Variants in ADAMTS6 observed in about 807,000 individuals in gnomAD.
ADAMTS6 encodes the protein A disintegrin and metalloproteinase with thrombospondin motifs 6.
Under a neutral mutation model 144.3 loss-of-function variants are expected in ADAMTS6, and 23 were observed. That is an observed-to-expected ratio of 0.16 (90% CI 0.11 to 0.23). ADAMTS6 has a LOEUF of 0.23. Ranked by LOEUF, ADAMTS6 falls within the 10% of genes least tolerant of loss-of-function variation. ADAMTS6 has a pLI of 1.00. For missense variants in ADAMTS6, 999 were observed against 1,379.6 expected (o/e 0.72, Z 4.37); for synonymous variants, 444 against 457.5 (o/e 0.97, Z 0.38).
Position 65,198,273 on chromosome 5 carries a change from G to A in ADAMTS6, c.2576-1122C>T, listed in dbSNP as rs116234934. On this transcript the variant is annotated intron_variant, in intron 20 of 24. Transcript: ENST00000381055. ...TAAAAGCAGCATTAGCAGTATCCAG[G>A]AAACCACAGCTTCACACCTAGCTAA... 7.5e-3 allele frequency among the ~76,000 whole-genome samples: 1,133 copies of A among 151,858 alleles called. 14 individuals are homozygous for A. Among genetic ancestry groups the A allele is most frequent in the African/African-American group, 0.026 (1,074 of 41,424 alleles).
chr5:65,178,883 G>T (rs892398766), intron 22 of ADAMTS6, among the ~76,000 whole-genome samples: 3 of 152,074 alleles, frequency 2.0e-5, no homozygotes, highest in Admixed American at 2.0e-4. Context: ...CCTTGCTCCC[G>T]GTATCAGAGA....
intron 7 of ADAMTS6, among the ~76,000 whole-genome samples, chr5:65,350,984 A>C (rs1748800011): frequency 6.6e-6 from 1 of 152,002 alleles, no homozygotes; most frequent in Non-Finnish European, 1.5e-5. Flanking sequence ...CATCCTCTGG[A>C]CTTTATGCTA....
chr5:65,302,104 AAAAAT>A (rs1422091540), intron 9 of ADAMTS6, among the ~76,000 whole-genome samples: 72 of 42,266 alleles, frequency 1.7e-3, no homozygotes, highest in African/African-American at 4.5e-3. Flanking sequence ...AAAAAAAAAA[AAAAAT>A]ATATATATAT....
chr5:65,265,575 C>CT (rs200987694), intron 12 of ADAMTS6, among the ~76,000 whole-genome samples: 119 of 148,784 alleles, frequency 8.0e-4, no homozygotes, highest in African/African-American at 2.6e-3. Context: ...CAATTAACTG[C>CT]TTTTTTTTTT....
intron 24 of ADAMTS6, among the ~76,000 whole-genome samples, chr5:65,155,840 C>A: frequency 6.6e-6 from 1 of 152,110 alleles, no homozygotes; most frequent in East Asian, 1.9e-4. Flanking sequence ...AGTCAGGTTT[C>A]GTTTCTTTAA....
At chr5:65,247,400 T>C (rs1181687933) in intron 14 of ADAMTS6, among the ~76,000 whole-genome samples, 4 of 152,170 alleles carry the variant, frequency 2.6e-5, no homozygotes, top group Non-Finnish European at 4.4e-5. Context: ...GAAAGAAATC[T>C]AGCTTCTGCT....
At chr5:65,383,933 T>C (rs1458900296) in intron 7 of ADAMTS6, among the ~76,000 whole-genome samples, 2 of 152,122 alleles carry the variant, frequency 1.3e-5, no homozygotes, top group Admixed American at 1.3e-4. Flanking sequence ...AACACCAGCG[T>C]GATCTACCAC....
chr5:65,422,267 A>T (rs1445691438), intron 7 of ADAMTS6, among the ~76,000 whole-genome samples: 2 of 152,246 alleles, frequency 1.3e-5, no homozygotes, highest in African/African-American at 2.4e-5. Flanking sequence ...ATGAGATAAC[A>T]CTTTACCCCA....
At chr5:65,215,292 CAG>C (rs1398123550) in intron 19 of ADAMTS6, 30 bp downstream of exon 19, 1 of 1,603,574 alleles carries the variant, frequency 6.2e-7, no homozygotes, top group Non-Finnish European at 8.5e-7. Flanking sequence ...GAATTAAAAA[CAG>C]AAGAAATACA....
Position 65,322,830 on chromosome 5 carries a change from G to A in ADAMTS6, c.1223+6548C>T, listed in dbSNP as rs182258849. ...TAGGATCATGTCATCTGCAAACAGG[G>A]ATAGTTTGACTTCCTCTCTTCCTAT... On this transcript the variant is annotated intron_variant, in intron 9 of 24. Coordinates refer to ENST00000381055, the MANE Select transcript of ADAMTS6 (RefSeq NM_197941.4). Among the ~76,000 whole-genome samples the A allele has an allele frequency of 7.7e-3, 1,178 of 152,208 alleles. 12 individuals are homozygous for A. The highest frequency in any genetic ancestry group is 0.027 in the African/African-American group (1,111 of 41,516).
At chr5:65,335,202 G>T (rs1281847526) in intron 7 of ADAMTS6, among the ~76,000 whole-genome samples, 1 of 152,110 alleles carries the variant, frequency 6.6e-6, no homozygotes, top group Non-Finnish European at 1.5e-5. Context: ...TCTATCTTTA[G>T]AATTTCAAAC....
intron 21 of ADAMTS6, among the ~76,000 whole-genome samples, chr5:65,194,402 A>G (rs904684792): frequency 1.3e-5 from 2 of 152,208 alleles, no homozygotes; most frequent in African/African-American, 4.8e-5. Flanking sequence ...AATACTCTAC[A>G]GTGTACTGTG....
At chr5:65,189,552 C>T (rs1471912781) in intron 21 of ADAMTS6, among the ~76,000 whole-genome samples, 1 of 152,328 alleles carries the variant, frequency 6.6e-6, no homozygotes. Flanking sequence ...ACACTTCCCT[C>T]AGCTGTGTTA....
intron 3 of ADAMTS6, among the ~76,000 whole-genome samples, chr5:65,465,888 C>T (rs890180567): frequency 2.0e-5 from 3 of 152,202 alleles, no homozygotes; most frequent in African/African-American, 7.2e-5. Context: ...CTCTATTCTA[C>T]CTATGCTCCC....
intron 22 of ADAMTS6, among the ~76,000 whole-genome samples, chr5:65,184,692 T>C (rs1410472894): frequency 6.6e-6 from 1 of 152,072 alleles, no homozygotes; most frequent in East Asian, 1.9e-4. Flanking sequence ...CTATGTAAAG[T>C]CCAAATAGCC....
At chr5:65,321,608 T>C (rs1745613838) in intron 9 of ADAMTS6, among the ~76,000 whole-genome samples, 1 of 152,034 alleles carries the variant, frequency 6.6e-6, no homozygotes, top group Non-Finnish European at 1.5e-5. Flanking sequence ...TCATGAAATC[T>C]TTGCACATGT....
chr5:65,265,961 A>G (rs763978114), intron 12 of ADAMTS6, among the ~76,000 whole-genome samples: 1 of 151,984 alleles, frequency 6.6e-6, no homozygotes, highest in Non-Finnish European at 1.5e-5. Context: ...CTGGATTTTT[A>G]TAACTACATA....
chr5:65,396,383 T>A (rs1370560279), intron 7 of ADAMTS6, among the ~76,000 whole-genome samples: 1 of 152,212 alleles, frequency 6.6e-6, no homozygotes, highest in Non-Finnish European at 1.5e-5. Flanking sequence ...ATTTCAAATG[T>A]CTTGATTATG....
chr5:65,225,012 A>G lies in ADAMTS6; in HGVS notation c.2103T>C (p.Ala701=). ...CACAGACTCGACATCTATCTTCCCTAGCATCAGATCCCAAAATATTATCAC... is the reference window on the plus strand; with the variant it reads ...CACAGACTCGACATCTATCTTCCCTGGCATCAGATCCCAAAATATTATCAC... The part of the protein sequence containing the change: ...VGCDNILGSD[A]REDRCRVCGG... Residue 701 remains alanine, a synonymous_variant, in exon 17 of 25, where the codon GCT becomes GCC. Coordinates refer to ENST00000381055, the MANE Select transcript of ADAMTS6 (RefSeq NM_197941.4). The G allele has an allele frequency of 1.2e-6, 2 of 1,614,120 alleles. No homozygotes were observed. Among genetic ancestry groups the G allele is most frequent in the South Asian group, 2.2e-5 (2 of 91,066 alleles).
Sources: allele counts gnomAD v4.1 joint callset (sites outside exome capture counted in the v4.1 genomes callset), GRCh38; gene constraint gnomAD v4.1.1; transcripts MANE v1.5; gene names NCBI Gene and HGNC (gene_info 2026-07-23, HGNC 2026-07-21).